LOC128462377: variants seen among roughly 807,000 people sequenced by gnomAD.
At chr16:89,321,263 T>C in the LOC128462377 span, 4 of 152,356 alleles carry the variant, frequency 2.6e-5, no homozygotes, top group African/African-American at 9.6e-5. Context: ...TTTCAGCCTA[T>C]CTGGTCTCTT....
At chr16:89,356,124 A>T in the LOC128462377 span, among the ~76,000 whole-genome samples, 1 of 152,204 alleles carries the variant, frequency 6.6e-6, no homozygotes, top group Admixed American at 6.5e-5. Context: ...GTTACTATGA[A>T]CTAGTGCTTT....
chr16:89,401,342 G>A, the LOC128462377 span, among the ~76,000 whole-genome samples: 1 of 152,050 alleles, frequency 6.6e-6, no homozygotes. Context: ...CTCCCAAAGT[G>A]CTGGGATTAC....
chr16:89,323,394 G>C, the LOC128462377 span: 1 of 1,256,974 alleles, frequency 8.0e-7, no homozygotes, highest in Non-Finnish European at 1.0e-6. Flanking sequence ...CAAGGGGAGA[G>C]CAAGCAGCCC....
At chr16:89,339,637 A>T in the LOC128462377 span, among the ~76,000 whole-genome samples, 10 of 152,352 alleles carry the variant, frequency 6.6e-5, no homozygotes, top group Admixed American at 1.3e-4. Flanking sequence ...AATTAGCAAT[A>T]GCTAATGTTT....
At chr16:89,356,789 AAAAAAAG>A in the LOC128462377 span, among the ~76,000 whole-genome samples, 10 of 151,182 alleles carry the variant, frequency 6.6e-5, no homozygotes, top group Admixed American at 4.0e-4. Context: ...TCAAAAAAAA[AAAAAAAG>A]AAAAAAGAAA....
the LOC128462377 span, among the ~76,000 whole-genome samples, chr16:89,362,155 G>C: frequency 6.6e-6 from 1 of 152,236 alleles, no homozygotes; most frequent in Non-Finnish European, 1.5e-5. Flanking sequence ...AATGTGAGTG[G>C]ATTAGGGGAT....
the LOC128462377 span, among the ~76,000 whole-genome samples, chr16:89,346,091 A>G: frequency 6.6e-6 from 1 of 151,778 alleles, no homozygotes; most frequent in Admixed American, 6.6e-5. Flanking sequence ...ACAACACAAA[A>G]AAAAAAAATT....
chr16:89,398,487 C>T, the LOC128462377 span, among the ~76,000 whole-genome samples: 99 of 152,132 alleles, frequency 6.5e-4, no homozygotes, highest in Middle Eastern at 3.4e-3. Flanking sequence ...GGAAGGCTGA[C>T]ATGAGGACTG....
chr16:89,360,934 C>T, the LOC128462377 span, among the ~76,000 whole-genome samples: 5 of 152,026 alleles, frequency 3.3e-5, no homozygotes, highest in South Asian at 2.1e-4. Flanking sequence ...GAGCCTGTGT[C>T]GGGACTTGGC....
At chr16:89,324,201 C>T in the LOC128462377 span, 8 of 1,182,342 alleles carry the variant, frequency 6.8e-6, no homozygotes, top group East Asian at 6.3e-5. Flanking sequence ...ACCGAGAGCG[C>T]GTTCAGCATT....
At chr16:89,401,938 G>A in the LOC128462377 span, among the ~76,000 whole-genome samples, 2 of 148,966 alleles carry the variant, frequency 1.3e-5, no homozygotes, top group Admixed American at 6.7e-5. Context: ...TGGAGCAGAT[G>A]CCCGCCCCCA....
the LOC128462377 span, chr16:89,392,756 G>C: frequency 6.7e-6 from 1 of 148,184 alleles, no homozygotes; most frequent in African/African-American, 2.5e-5. Flanking sequence ...CCCAGAACCT[G>C]CACTTAAGCA....
At chr16:89,385,572 C>A in the LOC128462377 span, among the ~76,000 whole-genome samples, 20 of 152,330 alleles carry the variant, frequency 1.3e-4, no homozygotes, top group South Asian at 1.4e-3. Context: ...TTCTCCAACT[C>A]TACTGAGTGA....
At chr16:89,401,792 G>A in the LOC128462377 span, among the ~76,000 whole-genome samples, 1 of 152,190 alleles carries the variant, frequency 6.6e-6, no homozygotes, top group Non-Finnish European at 1.5e-5. Flanking sequence ...CACGCAGGGA[G>A]AACGCTGGGT....
chr16:89,317,051 C>T, the LOC128462377 span: 21 of 1,600,248 alleles, frequency 1.3e-5, no homozygotes, highest in South Asian at 3.4e-5. Context: ...TTCATTTACA[C>T]GGCCGGCGCT....
At chr16:89,376,707 G>A in the LOC128462377 span, among the ~76,000 whole-genome samples, 4 of 152,348 alleles carry the variant, frequency 2.6e-5, no homozygotes, top group African/African-American at 9.6e-5. Context: ...CCTAAGTGCT[G>A]GGATTACAGG....
chr16:89,349,243 A>C, the LOC128462377 span, among the ~76,000 whole-genome samples: 1 of 151,830 alleles, frequency 6.6e-6, no homozygotes, highest in African/African-American at 2.4e-5. Flanking sequence ...AAAGACCAAA[A>C]ACAGGCCAGG....
At chr16:89,346,250 GA>G in the LOC128462377 span, among the ~76,000 whole-genome samples, 4,256 of 96,826 alleles carry the variant, frequency 0.044, 100 homozygotes, top group African/African-American at 0.092. Context: ...CCCGTCTCAG[GA>G]AAAAAAAAAA....
At chr16:89,411,967 C>G in the LOC128462377 span, among the ~76,000 whole-genome samples, 1 of 136,846 alleles carries the variant, frequency 7.3e-6, no homozygotes, top group Non-Finnish European at 1.6e-5. Context: ...TCCCTCCCCT[C>G]AGCCAGGTAC....
Sources: allele counts gnomAD v4.1 joint callset (sites outside exome capture counted in the v4.1 genomes callset), GRCh38; gene constraint gnomAD v4.1.1; transcripts MANE v1.5.